The following CINP variants were observed in gnomAD, a reference collection of about 807,000 sequenced individuals.
CINP encodes the protein cyclin dependent kinase 2 interacting protein.
A neutral mutation model predicts 20.5 loss-of-function variants in CINP; 11 were observed. The observed-to-expected ratio is 0.54, with a 90% CI of 0.34 to 0.89. CINP has a LOEUF of 0.89. Ranked by LOEUF, CINP falls within the 40% of genes least tolerant of loss-of-function variation. The pLI is 0.02. For synonymous variants in CINP, 108 were observed against 102.1 expected (o/e 1.06, Z -0.35); for missense variants, 213 against 251.0 (o/e 0.85, Z 1.02).
intron 1 of CINP, among the ~76,000 whole-genome samples, chr14:102,360,961 G>T (rs1232754264): frequency 2.0e-5 from 3 of 152,166 alleles, no homozygotes. Context: ...AATACGCCAG[G>T]CATGGGGGAA....
At chr14:102,361,314 G>A (rs1214603914) in intron 1 of CINP, among the ~76,000 whole-genome samples, 5 of 152,138 alleles carry the variant, frequency 3.3e-5, no homozygotes, top group African/African-American at 9.7e-5. Flanking sequence ...TGCGTGAGTA[G>A]GTGATCAGAC....
At chr14:102,362,809 C>T (rs772429697) in intron 1 of CINP, 36 bp downstream of exon 1, 1 of 1,613,574 alleles carries the variant, frequency 6.2e-7, no homozygotes, top group Non-Finnish European at 8.5e-7. Flanking sequence ...ACATTCACAG[C>T]CACCCCACCC....
intron 3 of CINP, among the ~76,000 whole-genome samples, chr14:102,355,008 G>A (rs1159251510): frequency 6.6e-6 from 1 of 151,336 alleles, no homozygotes; most frequent in African/African-American, 2.4e-5. Flanking sequence ...GGCGGAGTTT[G>A]CAGTGAGCCA....
intron 4 of CINP, among the ~76,000 whole-genome samples, chr14:102,349,377 T>A (rs1886817089): frequency 6.6e-6 from 1 of 152,170 alleles, no homozygotes; most frequent in Non-Finnish European, 1.5e-5. Flanking sequence ...TTTTACCCTT[T>A]CCTGCCTTAT....
In CINP at chr14:102,362,743, C is replaced by T. The variant is rs1418997592; in HGVS notation, c.7+102G>A. Reference sequence around the variant, plus strand: ...GTAAGACAGAGGACCTCCATTTAACCTCATGTAATCCGGGGAGCTCCTGAG... The same window carrying T: ...GTAAGACAGAGGACCTCCATTTAACTTCATGTAATCCGGGGAGCTCCTGAG... On this transcript the variant is annotated intron_variant, in intron 1 of 4. Transcript: ENST00000216756. 58 of 1,482,106 alleles carry T rather than the reference C, an allele frequency of 3.9e-5. 1 individual carries two copies. The highest frequency in any genetic ancestry group is 6.9e-5 in the East Asian group (3 of 43,652). The allele number at this position is 1,482,106 out of a possible 1,614,324, so 91.8% of individuals were successfully genotyped here.
chr14:102,350,398 T>TC (rs1886840342), intron 3 of CINP, among the ~76,000 whole-genome samples: 1 of 142,852 alleles, frequency 7.0e-6, no homozygotes. Context: ...TTTTTTTTTC[T>TC]TTTTTTTTTT....
At chr14:102,359,638 A>T in intron 1 of CINP, 51 bp from the exon 2 acceptor site, 1 of 1,373,936 alleles carries the variant, frequency 7.3e-7, no homozygotes, top group Non-Finnish European at 1.0e-6. Context: ...ATACAATCAT[A>T]GTTGGAGGGC....
At chr14:102,352,243 C>T (rs1277944264) in intron 3 of CINP, among the ~76,000 whole-genome samples, 1 of 152,176 alleles carries the variant, frequency 6.6e-6, no homozygotes, top group African/African-American at 2.4e-5. Context: ...GCAGCAGCTC[C>T]CTGGTGCCAC....
At chr14:102,360,672 G>A (rs1201627794) in intron 1 of CINP, among the ~76,000 whole-genome samples, 2 of 152,168 alleles carry the variant, frequency 1.3e-5, no homozygotes, top group Admixed American at 6.5e-5. Context: ...ATGTGAAGCT[G>A]TGAGGCCTCG....
chr14:102,353,496 G>C (rs934523040), intron 3 of CINP, among the ~76,000 whole-genome samples: 2 of 151,104 alleles, frequency 1.3e-5, no homozygotes, highest in Non-Finnish European at 3.0e-5. Context: ...GCAATAGGTG[G>C]GACCCAAAGA....
At chr14:102,355,662 G>A in intron 3 of CINP, 106 bp downstream of exon 3, 1 of 1,277,768 alleles carries the variant, frequency 7.8e-7, no homozygotes, top group East Asian at 2.3e-5. Flanking sequence ...GAACATCAGA[G>A]GAGACTGAGA....
chr14:102,352,076 TG>T (rs1246420917), intron 3 of CINP, among the ~76,000 whole-genome samples: 1 of 152,122 alleles, frequency 6.6e-6, no homozygotes, highest in East Asian at 1.9e-4. Context: ...TTAGCAGAGC[TG>T]GGGTTTCACT....
Position 102,350,645 on chromosome 14 carries a change from C to T in CINP, c.307-597G>A, listed in dbSNP as rs1023812843. On this transcript the variant is annotated intron_variant, in intron 3 of 4. Coordinates refer to ENST00000216756, the MANE Select transcript of CINP (RefSeq NM_032630.3). ...CTGGGATTATACAGGCATGCGCCAC[C>T]GCGCCTGGCTGGCTCTTGCTGCTTT... is the stretch of plus-strand genomic sequence containing the variant. Among the ~76,000 whole-genome samples, 47 of 151,956 alleles carry T rather than the reference C, an allele frequency of 3.1e-4. 3 individuals are homozygous for T. Among genetic ancestry groups the T allele is most frequent in the Admixed American group, 6.6e-5 (1 of 15,264 alleles).
chr14:102,349,124 C>T (rs576780615), intron 4 of CINP, among the ~76,000 whole-genome samples: 2 of 152,100 alleles, frequency 1.3e-5, no homozygotes, highest in Admixed American at 6.6e-5. Context: ...TGTGGTGGCA[C>T]GCACCTGTAA....
intron 2 of CINP, among the ~76,000 whole-genome samples, 192 bp downstream of exon 2, chr14:102,359,227 A>AATAACTAAATATATATATATATATAT (rs1555446396): frequency 8.7e-6 from 1 of 115,434 alleles, no homozygotes; most frequent in Admixed American, 8.9e-5. Context: ...TAAATAACTA[A>AATAACTAAATATATATATATATATAT]ATATATATAT....
At chr14:102,354,520 G>A (rs1384944322) in intron 3 of CINP, among the ~76,000 whole-genome samples, 1 of 152,216 alleles carries the variant, frequency 6.6e-6, no homozygotes, top group African/African-American at 2.4e-5. Flanking sequence ...ACTTTGGGAG[G>A]CTGAGGTGGG....
chr14:102,355,884 T>G lies in CINP; in HGVS notation c.190A>C (p.Ile64Leu). 1 of 1,614,178 alleles carries G rather than the reference T, an allele frequency of 6.2e-7. No homozygotes were observed. The highest frequency in any genetic ancestry group is 8.5e-7 in the Non-Finnish European group (1 of 1,179,996). ...LKISLLNKDK[I>L]ELDSSSPASK... Reference sequence around the variant, plus strand: ...GCTGGGCTGCTGCTGTCTAGTTCTATCTTGTCTTTATTCCTAAACAAAATA... The same window carrying G: ...GCTGGGCTGCTGCTGTCTAGTTCTAGCTTGTCTTTATTCCTAAACAAAATA... The change falls in exon 3 of 5, where the codon ATA (isoleucine) becomes CTA (leucine). Residue 64 changes from isoleucine to leucine, a missense_variant. Transcript: ENST00000216756.
At chr14:102,356,157 G>A (rs1182388310) in intron 2 of CINP, among the ~76,000 whole-genome samples, 1 of 152,218 alleles carries the variant, frequency 6.6e-6, no homozygotes, top group African/African-American at 2.4e-5. Flanking sequence ...GCTCATGCCT[G>A]TAATCCCAAC....
intron 3 of CINP, 152 bp from the exon 4 acceptor site, chr14:102,350,200 C>A: frequency 1.6e-6 from 1 of 644,780 alleles, no homozygotes; most frequent in African/African-American, 1.9e-5. Flanking sequence ...CAGCAAATTC[C>A]CAGGGAGATG....
Sources: gnomAD v4.1 joint callset for allele counts (sites outside exome capture counted in the v4.1 genomes callset) on GRCh38, gnomAD v4.1.1 for gene constraint, MANE v1.5 for transcripts, NCBI Gene and HGNC (gene_info 2026-07-23, HGNC 2026-07-21) for gene names.